The following GPC5 variants were observed in gnomAD, a reference collection of about 807,000 sequenced individuals.
GPC5 encodes the protein glypican 5.
A neutral mutation model predicts 53.9 loss-of-function variants in GPC5; 47 were observed. That is an observed-to-expected ratio of 0.87 (90% CI 0.69 to 1.11). GPC5 has a LOEUF of 1.11. Ranked by LOEUF, GPC5 falls within the 50% of genes most tolerant of loss-of-function variation. GPC5 has a pLI of 0.00. For synonymous variants in GPC5, 286 were observed against 263.3 expected (o/e 1.09, Z -0.84); for missense variants, 748 against 713.1 (o/e 1.05, Z -0.56).
intron 7 of GPC5, among the ~76,000 whole-genome samples, chr13:92,280,906 C>A (rs1391551401): frequency 1.3e-5 from 2 of 152,114 alleles, no homozygotes; most frequent in African/African-American, 4.8e-5. Flanking sequence ...GGGGGCAGGA[C>A]AATGGGTGCA....
chr13:92,833,178 T>G (rs565874940), intron 7 of GPC5, among the ~76,000 whole-genome samples: 1 of 152,310 alleles, frequency 6.6e-6, no homozygotes, highest in African/African-American at 2.4e-5. Context: ...ATATTTCAAT[T>G]TGAGCTTTTC....
chr13:91,868,449 A>T (rs896236785), intron 5 of GPC5, among the ~76,000 whole-genome samples: 34 of 152,332 alleles, frequency 2.2e-4, no homozygotes, highest in African/African-American at 8.2e-4. Context: ...CCTCATGCCT[A>T]TAATCCCAAC....
At chr13:91,519,611 A>C (rs1223330743) in intron 2 of GPC5, among the ~76,000 whole-genome samples, 4 of 152,218 alleles carry the variant, frequency 2.6e-5, no homozygotes, top group Non-Finnish European at 5.9e-5. Flanking sequence ...AGGCCTCCCC[A>C]GCCATGTGGA....
chr13:92,417,001 A>G (rs1876333035), intron 7 of GPC5, among the ~76,000 whole-genome samples: 2 of 152,234 alleles, frequency 1.3e-5, no homozygotes, highest in South Asian at 4.1e-4. Context: ...TTATTGGGAC[A>G]TAACCCATTT....
intron 2 of GPC5, among the ~76,000 whole-genome samples, chr13:91,469,534 A>G (rs767369513): frequency 1.6e-4 from 25 of 152,042 alleles, no homozygotes; most frequent in Non-Finnish European, 2.8e-4. Context: ...CCTAAGTGCT[A>G]GTCTTACAGG....
chr13:92,602,631 A>G (rs577951797), intron 7 of GPC5, among the ~76,000 whole-genome samples: 67 of 152,240 alleles, frequency 4.4e-4, no homozygotes, highest in Admixed American at 1.2e-3. Flanking sequence ...AGAACAGTAT[A>G]GGCCAAAAAT....
intron 7 of GPC5, among the ~76,000 whole-genome samples, chr13:92,629,785 A>T (rs1172519629): frequency 6.6e-6 from 1 of 152,160 alleles, no homozygotes; most frequent in African/African-American, 2.4e-5. Flanking sequence ...TAGAAAATAC[A>T]CAAGTCATGA....
At chr13:92,078,424 C>A (rs574431612) in intron 6 of GPC5, among the ~76,000 whole-genome samples, 1 of 152,170 alleles carries the variant, frequency 6.6e-6, no homozygotes, top group Non-Finnish European at 1.5e-5. Context: ...AAGTGATAGG[C>A]CTGACCTCCT....
intron 7 of GPC5, among the ~76,000 whole-genome samples, chr13:92,237,400 A>G (rs1350266018): frequency 3.9e-5 from 6 of 152,008 alleles, no homozygotes; most frequent in Admixed American, 3.9e-4. Flanking sequence ...TTGTATTTTT[A>G]GTAAGGATGG....
chr13:91,649,653 C>A (rs536478720), intron 2 of GPC5, among the ~76,000 whole-genome samples: 29 of 152,280 alleles, frequency 1.9e-4, no homozygotes, highest in African/African-American at 7.0e-4. Flanking sequence ...TGTTACGATG[C>A]AGAGAATGTC....
chr13:92,395,920 T>G (rs957519558), intron 7 of GPC5, among the ~76,000 whole-genome samples: 3 of 151,754 alleles, frequency 2.0e-5, no homozygotes, highest in Admixed American at 1.3e-4. Context: ...TTTTTTTTTT[T>G]TGTATTTTTC....
At chr13:91,542,624 C>T (rs1335594477) in intron 2 of GPC5, among the ~76,000 whole-genome samples, 1 of 152,172 alleles carries the variant, frequency 6.6e-6, no homozygotes, top group Non-Finnish European at 1.5e-5. Flanking sequence ...TGCATCCCTC[C>T]TTAGGGCTCG....
chr13:91,512,649 G>A (rs1566465215), intron 2 of GPC5, among the ~76,000 whole-genome samples: 1 of 152,130 alleles, frequency 6.6e-6, no homozygotes, highest in Non-Finnish European at 1.5e-5. Flanking sequence ...CTTGGCTGGG[G>A]CTCCTCAGTA....
At chr13:91,854,185 T>G (rs2038943415) in intron 5 of GPC5, among the ~76,000 whole-genome samples, 1 of 151,850 alleles carries the variant, frequency 6.6e-6, no homozygotes, top group African/African-American at 2.4e-5. Context: ...AGTTCTGTAA[T>G]CAGAACAATA....
At chr13:92,450,847 T>G (rs1278362616) in intron 7 of GPC5, among the ~76,000 whole-genome samples, 1 of 152,094 alleles carries the variant, frequency 6.6e-6, no homozygotes, top group East Asian at 1.9e-4. Flanking sequence ...TAAGTCTTAG[T>G]GGGTTTCATT....
At chr13:92,485,482 T>C (rs1879518116) in intron 7 of GPC5, among the ~76,000 whole-genome samples, 1 of 152,148 alleles carries the variant, frequency 6.6e-6, no homozygotes, top group African/African-American at 2.4e-5. Flanking sequence ...ACATCACAAG[T>C]TCATCAAGAG....
At chr13:92,345,881 C>A (rs905543951) in intron 7 of GPC5, among the ~76,000 whole-genome samples, 8 of 152,174 alleles carry the variant, frequency 5.3e-5, no homozygotes, top group African/African-American at 1.9e-4. Flanking sequence ...GACCAGCCTA[C>A]AGATCTCGCT....
At chr13:91,754,567 C>CGAA (rs1316595272) in intron 4 of GPC5, among the ~76,000 whole-genome samples, 1 of 152,064 alleles carries the variant, frequency 6.6e-6, no homozygotes, top group African/African-American at 2.4e-5. Flanking sequence ...GCCTGGTCTT[C>CGAA]ATTCCTAGAA....
chr13:92,850,284 T>C (rs1878750032), intron 7 of GPC5, among the ~76,000 whole-genome samples: 1 of 152,078 alleles, frequency 6.6e-6, no homozygotes, highest in Non-Finnish European at 1.5e-5. Flanking sequence ...CCAACTCAAT[T>C]TGCTCTATAG....
Sources: allele counts gnomAD v4.1 joint callset (sites outside exome capture counted in the v4.1 genomes callset), GRCh38; gene constraint gnomAD v4.1.1; transcripts MANE v1.5; gene names NCBI Gene and HGNC (gene_info 2026-07-23, HGNC 2026-07-21).